The following ATAD5 variants were observed in gnomAD, a reference collection of about 807,000 sequenced individuals.
ATAD5 encodes the protein ATPase family AAA domain containing 5.
Under a neutral mutation model 176.9 loss-of-function variants are expected in ATAD5, and 58 were observed. The ratio of observed to expected loss-of-function variants is 0.33; its 90% confidence interval spans 0.27 to 0.41. The LOEUF (loss-of-function observed/expected upper bound fraction) is 0.41, where lower values mean the gene tolerates loss of function less well. Among genes scored for constraint, ATAD5 ranks in the 10% least tolerant of loss-of-function variants. The pLI, the probability that ATAD5 is intolerant of heterozygous loss-of-function variation, is 1.00. For missense variants in ATAD5, 1,789 were observed against 2,094.1 expected (o/e 0.85, Z 2.84); for synonymous variants, 640 against 712.6 (o/e 0.90, Z 1.62).
chr17:30,849,518 T>C (rs1307159905), intron 6 of ATAD5, among the ~76,000 whole-genome samples: 3 of 152,232 alleles, frequency 2.0e-5, no homozygotes, highest in Non-Finnish European at 2.9e-5. Context: ...TGTAGTCATA[T>C]CTCATAGTTT....
intron 3 of ATAD5, among the ~76,000 whole-genome samples, chr17:30,839,290 T>TC (rs1260740597): frequency 1.3e-5 from 2 of 152,090 alleles, no homozygotes; most frequent in Non-Finnish European, 2.9e-5. Flanking sequence ...ATATATCTTT[T>TC]TTTTTTTTCT....
intron 14 of ATAD5, among the ~76,000 whole-genome samples, chr17:30,873,480 G>T (rs1178945486): frequency 2.0e-5 from 3 of 151,770 alleles, no homozygotes; most frequent in Admixed American, 6.6e-5. Flanking sequence ...ACCATGCCTG[G>T]CTAATATTTG....
In ATAD5 at chr17:30,835,515, A is replaced by G. The variant is rs1905670943; in HGVS notation, c.1434A>G (p.Leu478=). 1.2e-6 allele frequency: 2 copies of G among 1,606,428 alleles called. No homozygotes were observed. The highest frequency in any genetic ancestry group is 1.7e-6 in the Non-Finnish European group (2 of 1,178,270). The part of the protein sequence containing the change: ...GSFLKEKNKK[L]KKKNKKTLDT... ...TTCTGAAGGAGAAAAATAAAAAGCTAAAGAAGAAGAATAAGAAAACATTAG... is the reference window on the plus strand; with the variant it reads ...TTCTGAAGGAGAAAAATAAAAAGCTGAAGAAGAAGAATAAGAAAACATTAG... Residue 478 remains leucine (L), a synonymous_variant, in exon 2 of 23, where the codon CTA becomes CTG. Coordinates refer to ENST00000321990, the MANE Select transcript of ATAD5 (RefSeq NM_024857.5).
At chr17:30,875,722 G>A (rs1908617813) in intron 14 of ATAD5, among the ~76,000 whole-genome samples, 1 of 151,570 alleles carries the variant, frequency 6.6e-6, no homozygotes, top group South Asian at 2.1e-4. Context: ...CTTGAGCCTG[G>A]GAGGTGGAAA....
At chr17:30,854,369 AT>A (rs11445925) in intron 6 of ATAD5, among the ~76,000 whole-genome samples, 18 of 121,004 alleles carry the variant, frequency 1.5e-4, no homozygotes, top group African/African-American at 5.2e-4. Context: ...ATTAATTTAA[AT>A]TTTTTTTTTT....
At chr17:30,882,325 G>A (rs1909076110) in intron 18 of ATAD5, among the ~76,000 whole-genome samples, 1 of 152,014 alleles carries the variant, frequency 6.6e-6, no homozygotes, top group African/African-American at 2.4e-5. Context: ...CACTTTTGGA[G>A]GCCAAGGTGG....
In ATAD5 at chr17:30,874,548, C is replaced by CAA. The variant is rs1298663817; in HGVS notation, c.3608-1810_3608-1809dup. ...GAGTGAGACTCCATCTCAAAAGAAA[C>CAA]AAAAAAAAAAAAAAAAAGAGGAAAA... On this transcript the variant is annotated intron_variant, in intron 14 of 22. Coordinates refer to ENST00000321990, the MANE Select transcript of ATAD5 (RefSeq NM_024857.5). Among the ~76,000 whole-genome samples the CAA allele has an allele frequency of 1.3e-3, 93 of 70,170 alleles. 3 individuals are homozygous for CAA. Among genetic ancestry groups the CAA allele is most frequent in the Non-Finnish European group, 1.5e-3 (58 of 38,124 alleles). The allele number at this position is 70,170 out of a possible 152,430, so 46.0% of individuals were successfully genotyped here.
At chr17:30,845,108 C>T (rs1262364357) in intron 6 of ATAD5, among the ~76,000 whole-genome samples, 192 bp downstream of exon 6, 3 of 152,070 alleles carry the variant, frequency 2.0e-5, no homozygotes, top group African/African-American at 4.8e-5. Flanking sequence ...CTTTGGCCAT[C>T]GCTAGACAAA....
chr17:30,846,719 CTCT>C (rs1055500110), intron 6 of ATAD5, among the ~76,000 whole-genome samples: 2 of 143,932 alleles, frequency 1.4e-5, no homozygotes, highest in Non-Finnish European at 3.0e-5. Flanking sequence ...GAATTTTTCT[CTCT>C]TTTTTTTTTT....
At chr17:30,848,814 G>C (rs1241804924) in intron 6 of ATAD5, among the ~76,000 whole-genome samples, 1 of 152,014 alleles carries the variant, frequency 6.6e-6, no homozygotes, top group Non-Finnish European at 1.5e-5. Flanking sequence ...TCTTGTAGGT[G>C]GCATGATGAT....
At position 30,850,870 on chromosome 17, in the gene ATAD5, T is replaced by TATATATATATA. The variant is rs71142003; in HGVS notation, c.2451-4273_2451-4272insATATATATATA. ...ATATATATATATATATATATATATA[T>TATATATATATA]TTTTTTTTTTTTTTTTTTTTTTTTT... On this transcript the variant is annotated intron_variant, in intron 6 of 22. Coordinates refer to ENST00000321990, the MANE Select transcript of ATAD5 (RefSeq NM_024857.5). Among the ~76,000 whole-genome samples the TATATATATATA allele has an allele frequency of 2.8e-3, 34 of 12,190 alleles. No individual in the cohort carries two copies. The East Asian group carries it at 0.033, about 12-fold the overall frequency. The allele number at this position is 12,190 out of a possible 152,430, so 8.0% of individuals were successfully genotyped here. A position where few individuals can be genotyped will look rare whatever the true frequency, so the allele number is the denominator to read the frequency against.
chr17:30,864,102 G>C (rs1265596366), intron 10 of ATAD5: 1 of 152,186 alleles, frequency 6.6e-6, no homozygotes, highest in Non-Finnish European at 1.5e-5. Flanking sequence ...CACCCATCCC[G>C]ATTATTGGTT....
chr17:30,894,940 A>G lies in ATAD5; in HGVS notation c.*27A>G. On this transcript the variant is annotated 3_prime_UTR_variant, in exon 23 of 23. Coordinates refer to ENST00000321990, the MANE Select transcript of ATAD5 (RefSeq NM_024857.5). ...GTTCCATACTAACAATGCTTTGTATAGATTATCATGTGGTCCTTAAGATAC... is the reference window on the plus strand; with the variant it reads ...GTTCCATACTAACAATGCTTTGTATGGATTATCATGTGGTCCTTAAGATAC... The G allele has an allele frequency of 6.8e-7, 1 of 1,468,510 alleles. No individual in the cohort carries two copies. Among genetic ancestry groups the G allele is most frequent in the Non-Finnish European group, 9.3e-7 (1 of 1,077,972 alleles). 91.0% of individuals were successfully genotyped at this position (1,468,510 alleles called of 1,614,324 possible).
rs1396172875 is a variant in ATAD5 at position 30,836,218 on chromosome 17, G to A, written c.1967+170G>A. ...CTTTGAGATGGAGTCTTGCTGTGTC[G>A]CCCAGGCTGGAGTGCAGTGGGGCAA... On this transcript the variant is annotated intron_variant, in intron 2 of 22. Coordinates refer to ENST00000321990, the MANE Select transcript of ATAD5 (RefSeq NM_024857.5). Among the ~76,000 whole-genome samples the A allele has an allele frequency of 2.7e-5, 4 of 149,592 alleles. No homozygotes were observed. The East Asian group carries it at 5.8e-4, about 22-fold the overall frequency.
intron 14 of ATAD5, among the ~76,000 whole-genome samples, chr17:30,871,976 G>A (rs1908364065): frequency 6.6e-6 from 1 of 152,138 alleles, no homozygotes; most frequent in Non-Finnish European, 1.5e-5. Flanking sequence ...GGCTGGAGTG[G>A]AGTGGCACGA....
chr17:30,850,841 A>T (rs1420301366), intron 6 of ATAD5, among the ~76,000 whole-genome samples: 5 of 13,482 alleles, frequency 3.7e-4, no homozygotes, highest in East Asian at 6.1e-3. Context: ...TTTTATATAT[A>T]TATATATATA....
At chr17:30,884,800 T>C (rs1019180392) in intron 18 of ATAD5, among the ~76,000 whole-genome samples, 2 of 145,400 alleles carry the variant, frequency 1.4e-5, no homozygotes, top group African/African-American at 5.1e-5. Context: ...CAGGCTGGAG[T>C]GCAGTGGTGC....
intron 19 of ATAD5, among the ~76,000 whole-genome samples, chr17:30,890,663 C>T (rs1263314363): frequency 3.3e-5 from 5 of 151,720 alleles, no homozygotes; most frequent in East Asian, 1.9e-4. Flanking sequence ...CCTTGTGATC[C>T]GCCTGCCTCA....
rs1905708180 is a variant in ATAD5 at position 30,835,841 on chromosome 17, A to G, written c.1760A>G (p.Asn587Ser). The G allele has an allele frequency of 6.2e-7, 1 of 1,613,808 alleles. No homozygotes were observed. Among genetic ancestry groups the G allele is most frequent in the South Asian group, 1.1e-5 (1 of 90,970 alleles). Residue 587 changes from asparagine (N) to serine (S), a missense_variant, in exon 2 of 23, where the codon AAT (asparagine) becomes AGT (serine). Coordinates refer to ENST00000321990, the MANE Select transcript of ATAD5 (RefSeq NM_024857.5). ...GCTGAATCTGAAGCCAGCTTGCTAA[A>G]TGTTTCCACGCCCAAGTCAACTAGA... is the stretch of plus-strand genomic sequence containing the variant. ...SKAESEASLLNVSTPKSTRRS... is the reference protein window; with the variant it reads ...SKAESEASLLSVSTPKSTRRS...
Sources: gnomAD v4.1 joint callset for allele counts (sites outside exome capture counted in the v4.1 genomes callset) on GRCh38, gnomAD v4.1.1 for gene constraint, MANE v1.5 for transcripts, NCBI Gene and HGNC (gene_info 2026-07-23, HGNC 2026-07-21) for gene names.